GRID1: variants seen among roughly 807,000 people sequenced by gnomAD.
The protein encoded by GRID1 is glutamate ionotropic receptor delta type subunit 1.
In GRID1, 28 loss-of-function variants were observed where a neutral mutation model predicts 98.0. The observed-to-expected ratio is 0.29, with a 90% CI of 0.21 to 0.39. The LOEUF (loss-of-function observed/expected upper bound fraction) is 0.39, where lower values mean the gene tolerates loss of function less well. GRID1 is among the 10% of genes least tolerant of loss of function. The probability of loss-of-function intolerance (pLI) is 1.00; values close to 1 mark genes in which losing one functional copy is unlikely to be tolerated. For synonymous variants in GRID1, 553 were observed against 538.5 expected, an observed-to-expected ratio of 1.03 and a Z score of -0.37; for missense variants, 1,111 against 1,340.5, an observed-to-expected ratio of 0.83 and a Z score of 2.67.
chr10:85,947,851 C>A (rs1217369301), intron 4 of GRID1, among the ~76,000 whole-genome samples: 1 of 152,064 alleles, frequency 6.6e-6, no homozygotes, highest in Non-Finnish European at 1.5e-5. Flanking sequence ...TCGGTCTATC[C>A]CCAGAAATCA....
At chr10:85,723,358 G>A (rs1841725579) in intron 11 of GRID1, among the ~76,000 whole-genome samples, 1 of 152,162 alleles carries the variant, frequency 6.6e-6, no homozygotes, top group Non-Finnish European at 1.5e-5. Context: ...CACAAAATAT[G>A]AAAAAGTTAG....
chr10:85,742,248 T>A (rs1841951477), intron 8 of GRID1, among the ~76,000 whole-genome samples: 1 of 152,044 alleles, frequency 6.6e-6, no homozygotes, highest in Admixed American at 6.6e-5. Flanking sequence ...CTTTAACTAT[T>A]CCATAAAGGA....
At chr10:86,161,116 A>G (rs1845315694) in intron 3 of GRID1, among the ~76,000 whole-genome samples, 2 of 152,226 alleles carry the variant, frequency 1.3e-5, no homozygotes, top group South Asian at 4.1e-4. Context: ...CAGACAGGCT[A>G]CATGATGTGA....
At chr10:86,334,926 T>C (rs1354611434) in intron 2 of GRID1, among the ~76,000 whole-genome samples, 1 of 152,236 alleles carries the variant, frequency 6.6e-6, no homozygotes, top group Non-Finnish European at 1.5e-5. Context: ...TGGCATGTCC[T>C]GCTAAACAAG....
At chr10:86,304,529 A>G (rs978906892) in intron 2 of GRID1, among the ~76,000 whole-genome samples, 1 of 152,180 alleles carries the variant, frequency 6.6e-6, no homozygotes, top group African/African-American at 2.4e-5. Flanking sequence ...TCTGTCCACT[A>G]TCCTGAGCAC....
intron 4 of GRID1, among the ~76,000 whole-genome samples, chr10:85,988,727 C>CT (rs1842642394): frequency 6.6e-6 from 1 of 152,218 alleles, no homozygotes. Context: ...GCGCAGGAAT[C>CT]TGTAGGGACT....
intron 8 of GRID1, among the ~76,000 whole-genome samples, chr10:85,843,984 A>T (rs1426560815): frequency 6.6e-6 from 1 of 152,104 alleles, no homozygotes; most frequent in East Asian, 1.9e-4. Flanking sequence ...GGCTTTATTC[A>T]TAACTGCCCT....
intron 4 of GRID1, among the ~76,000 whole-genome samples, chr10:85,993,346 G>A (rs969916043): frequency 2.8e-4 from 43 of 152,206 alleles, no homozygotes; most frequent in African/African-American, 9.2e-4. Flanking sequence ...CTAATTCTCC[G>A]ATCAATGGTA....
rs1329259372 is a variant in GRID1 at position 86,365,184 on chromosome 10, C to A, written c.80-1088G>T. Among the ~76,000 whole-genome samples the A allele has an allele frequency of 1.3e-5, 2 of 152,160 alleles. No homozygotes were observed. Among genetic ancestry groups the A allele is most frequent in the Non-Finnish European group, 2.9e-5 (2 of 68,016 alleles). On this transcript the variant is annotated intron_variant, in intron 1 of 15. Transcript: ENST00000327946. The surrounding 1 kb of genome is among the most constrained non-coding windows in gnomAD (Gnocchi z 4.8). ...GCGGGAAGCAGGTTTGGTCACGGGC[C>A]CCTGAGGAGGAATCGTAGCTCTCCG...
At chr10:86,003,390 T>A (rs1303670745) in intron 4 of GRID1, among the ~76,000 whole-genome samples, 1 of 152,230 alleles carries the variant, frequency 6.6e-6, no homozygotes, top group Non-Finnish European at 1.5e-5. Flanking sequence ...CCTAAGAACA[T>A]GTCAGCTTCT....
rs115988622 is a variant in GRID1 at position 85,911,108 on chromosome 10, T to C, written c.780+5078A>G. ...GGGTCAGGGTCATCCTGCAGAGGGC[T>C]GCAGCAGGCTGGATGAAGTGGGCAG... On this transcript the variant is annotated intron_variant, in intron 5 of 15. Transcript: ENST00000327946. Among the ~76,000 whole-genome samples, 352 of 152,332 alleles carry C rather than the reference T, an allele frequency of 2.3e-3. 3 individuals carry two copies. The highest frequency in any genetic ancestry group is 8.0e-3 in the African/African-American group (332 of 41,584).
chr10:85,784,118 G>T (rs1842404894), intron 8 of GRID1, among the ~76,000 whole-genome samples: 1 of 152,180 alleles, frequency 6.6e-6, no homozygotes, highest in African/African-American at 2.4e-5. Flanking sequence ...ATCTTGCAAA[G>T]GAAATAATGT....
intron 8 of GRID1, among the ~76,000 whole-genome samples, chr10:85,847,068 G>A (rs1187427621): frequency 3.3e-5 from 5 of 152,108 alleles, no homozygotes. Flanking sequence ...TGTTACCTAC[G>A]CATCTAGCAG....
chr10:85,856,235 TAGAGAGCTTTGGAGA>T (rs1461669075), intron 6 of GRID1, 45 bp from the exon 7 acceptor site: 1 of 1,576,742 alleles, frequency 6.3e-7, no homozygotes, highest in East Asian at 2.2e-5. Context: ...GGTGCATTTC[TAGAGAGCTTTGGAGA>T]AACCCACAGA....
intron 4 of GRID1, among the ~76,000 whole-genome samples, chr10:86,034,902 GTGGATGGATGGATGGATGGATGGA>G (rs59211171): frequency 2.1e-5 from 3 of 143,734 alleles, no homozygotes; most frequent in Non-Finnish European, 4.6e-5. Flanking sequence ...CAATGGATTG[GTGGATGGATGGATGGATGGATGGA>G]TGGATGGATG....
intron 2 of GRID1, among the ~76,000 whole-genome samples, chr10:86,347,515 C>T (rs1252222557): frequency 6.6e-6 from 1 of 152,332 alleles, no homozygotes; most frequent in South Asian, 2.1e-4. Context: ...CTGTGAGACT[C>T]TTGTTAAATA....
chr10:86,235,267 C>T (rs942458085), intron 2 of GRID1, among the ~76,000 whole-genome samples: 5 of 152,204 alleles, frequency 3.3e-5, no homozygotes, highest in African/African-American at 9.6e-5. Context: ...AACTCCTGCC[C>T]GAGGCTGACC....
chr10:86,213,699 C>T (rs1429321501), intron 2 of GRID1, among the ~76,000 whole-genome samples: 2 of 152,100 alleles, frequency 1.3e-5, no homozygotes, highest in Admixed American at 6.5e-5. Flanking sequence ...AGGGCTCTAC[C>T]GTTATTTCTC....
At chr10:86,043,050 C>T (rs1843369513) in intron 4 of GRID1, among the ~76,000 whole-genome samples, 1 of 152,136 alleles carries the variant, frequency 6.6e-6, no homozygotes, top group South Asian at 2.1e-4. Context: ...AATCACTCCA[C>T]TGCAATCCAG....
Sources: allele counts gnomAD v4.1 joint callset (sites outside exome capture counted in the v4.1 genomes callset), GRCh38; gene constraint gnomAD v4.1.1; non-coding constraint Gnocchi (gnomAD v3.1); transcripts MANE v1.5; gene names NCBI Gene and HGNC (gene_info 2026-07-23, HGNC 2026-07-21).